The following DIAPH1 variants were observed in gnomAD, a reference collection of about 807,000 sequenced individuals.
The protein encoded by DIAPH1 is diaphanous related formin 1, also known as protein diaphanous homolog 1.
DIAPH1 carries 46 observed loss-of-function variants against 140.7 expected under a neutral mutation model. The observed-to-expected ratio is 0.33, with a 90% CI of 0.26 to 0.42. DIAPH1 has a LOEUF of 0.42. Ranked by LOEUF, DIAPH1 falls within the 10% of genes least tolerant of loss-of-function variation. The pLI is 1.00. For missense variants in DIAPH1, 1,310 were observed against 1,558.7 expected (o/e 0.84, Z 2.69); for synonymous variants, 565 against 551.6 (o/e 1.02, Z -0.34).
Position 141,573,850 on chromosome 5 carries a change from G to A in DIAPH1, c.2000C>T (p.Ser667Phe). The A allele has an allele frequency of 6.5e-7, 1 of 1,529,000 alleles. No individual in the cohort carries two copies. Among genetic ancestry groups the A allele is most frequent in the South Asian group, 1.3e-5 (1 of 78,076 alleles). 94.7% of individuals were successfully genotyped at this position (1,529,000 alleles called of 1,614,324 possible). Residue 667 changes from serine (S) to phenylalanine (F), a missense_variant, in exon 16 of 28, where the codon TCT (serine) becomes TTT (phenylalanine). Coordinates refer to ENST00000389054, the MANE Select transcript of DIAPH1 (RefSeq NM_005219.5). Reference sequence around the variant, plus strand: ...GATGGCAGTACCTCCAGGCAAAGAAGAGGGTGAAGGGATGCCAACACCCTC... The same window carrying A: ...GATGGCAGTACCTCCAGGCAAAGAAAAGGGTGAAGGGATGCCAACACCCTC... ...LPEGVGIPSP[S>F]SLPGGTAIPP...
At chr5:141,520,874 G>A (rs906183338) in intron 27 of DIAPH1, among the ~76,000 whole-genome samples, 9 of 152,158 alleles carry the variant, frequency 5.9e-5, no homozygotes, top group Non-Finnish European at 1.3e-4. Context: ...CATTAGCCAT[G>A]TAGACCTGGG....
At chr5:141,609,006 A>T (rs951608873) in intron 1 of DIAPH1, among the ~76,000 whole-genome samples, 1 of 152,172 alleles carries the variant, frequency 6.6e-6, no homozygotes, top group East Asian at 1.9e-4. Flanking sequence ...CTTACAAAGG[A>T]GACACAGTTA....
chr5:141,535,695 T>C (rs374084921), intron 18 of DIAPH1, among the ~76,000 whole-genome samples: 12 of 152,276 alleles, frequency 7.9e-5, no homozygotes, highest in Middle Eastern at 3.4e-3. Context: ...GAGCAATACA[T>C]AGGAAAAAAC....
Position 141,583,504 on chromosome 5 carries a change from G to C in DIAPH1, c.514C>G (p.Leu172Val), listed in dbSNP as rs1470192204. 1.2e-6 allele frequency: 2 copies of C among 1,614,032 alleles called. No individual in the cohort carries two copies. Among genetic ancestry groups the C allele is most frequent in the East Asian group, 2.2e-5 (1 of 44,892 alleles). ...LSCLESLRVS[L>V]NNNPVSWVQT... ...CCTCACCTGACAGGGTTGTTGTTGA[G>C]AGACACACGAAGGGACTCCAGGCAG... The change falls in exon 5 of 28, where the codon CTC becomes GTC. Residue 172 changes from leucine to valine, a missense_variant. Around this residue, in one of 3 missense-constraint regions of DIAPH1, gnomAD observed 377 missense variants for 497.1 expected, o/e 0.76. Transcript: ENST00000389054.
intron 18 of DIAPH1, among the ~76,000 whole-genome samples, chr5:141,547,469 A>G (rs2099890982): frequency 6.6e-6 from 1 of 152,158 alleles, no homozygotes; most frequent in Non-Finnish European, 1.5e-5. Flanking sequence ...TCAAAAATAA[A>G]TAAATAAAAA....
At chr5:141,518,312 GAAAAAAA>G (rs55840265) in intron 27 of DIAPH1, among the ~76,000 whole-genome samples, 16 of 115,336 alleles carry the variant, frequency 1.4e-4, no homozygotes, top group Non-Finnish European at 2.4e-4. Context: ...AGCTCAATTG[GAAAAAAA>G]AAAAAAAAAA....
intron 18 of DIAPH1, among the ~76,000 whole-genome samples, chr5:141,544,114 T>C (rs2099890421): frequency 1.3e-5 from 2 of 152,132 alleles, no homozygotes; most frequent in Admixed American, 1.3e-4. Flanking sequence ...ATCGAGACCA[T>C]CCTGGCTAAC....
chr5:141,567,549 G>A (rs760928426), intron 18 of DIAPH1, among the ~76,000 whole-genome samples: 5 of 152,126 alleles, frequency 3.3e-5, no homozygotes, highest in Non-Finnish European at 7.4e-5. Context: ...CGATTTGAGT[G>A]GAATAAGAAA....
intron 25 of DIAPH1, 55 bp downstream of exon 25, chr5:141,526,242 G>C: frequency 1.2e-6 from 2 of 1,614,090 alleles, no homozygotes; most frequent in South Asian, 1.1e-5. Context: ...CAGGAACCCA[G>C]GGGAAAGTGA....
chr5:141,597,962 G>A (rs1246029518), intron 1 of DIAPH1, among the ~76,000 whole-genome samples: 1 of 152,212 alleles, frequency 6.6e-6, no homozygotes, highest in African/African-American at 2.4e-5. Flanking sequence ...TATTCCTGTT[G>A]AATGTCTAGT....
Position 141,574,319 on chromosome 5 carries a change from G to C in DIAPH1, c.1642-111C>G, listed in dbSNP as rs376725949. On this transcript the variant is annotated intron_variant, in intron 15 of 27. Coordinates refer to ENST00000389054, the MANE Select transcript of DIAPH1 (RefSeq NM_005219.5). ...CAAACTTCTCATGTTACAAATGGAG[G>C]AACTGAGAGGAGTCAGAGAGATGAC... 6.4e-5 allele frequency: 68 copies of C among 1,069,080 alleles called. 5 individuals carry two copies. Among genetic ancestry groups the C allele is most frequent in the Admixed American group, 5.3e-4 (27 of 50,714 alleles). 66.2% of individuals were successfully genotyped at this position (1,069,080 alleles called of 1,614,324 possible). A position where few individuals can be genotyped will look rare whatever the true frequency, so the allele number is the denominator to read the frequency against.
chr5:141,570,371 G>A (rs2099894989), intron 18 of DIAPH1, among the ~76,000 whole-genome samples: 1 of 152,148 alleles, frequency 6.6e-6, no homozygotes, highest in Non-Finnish European at 1.5e-5. Flanking sequence ...TTAATTAAGA[G>A]AGTGGAATTA....
chr5:141,584,685 T>A (rs2099897263), intron 3 of DIAPH1, among the ~76,000 whole-genome samples: 1 of 152,020 alleles, frequency 6.6e-6, no homozygotes, highest in South Asian at 2.1e-4. Flanking sequence ...CTGTACAAAC[T>A]CCTTTCCCAC....
chr5:141,570,701 A>G (rs964411619), intron 18 of DIAPH1, among the ~76,000 whole-genome samples: 4 of 152,114 alleles, frequency 2.6e-5, no homozygotes, highest in Non-Finnish European at 5.9e-5. Context: ...CACTAGGGTC[A>G]TAGTAAGCCT....
intron 16 of DIAPH1, among the ~76,000 whole-genome samples, chr5:141,572,907 G>A (rs2099895406): frequency 6.6e-6 from 1 of 152,148 alleles, no homozygotes; most frequent in Non-Finnish European, 1.5e-5. Flanking sequence ...ATCAAACTGT[G>A]TGTTACCATG....
At chr5:141,546,781 G>A (rs575923359) in intron 18 of DIAPH1, among the ~76,000 whole-genome samples, 1 of 152,360 alleles carries the variant, frequency 6.6e-6, no homozygotes, top group Admixed American at 6.5e-5. Context: ...TAGGAACAGG[G>A]TGAAAGAGGT....
intron 6 of DIAPH1, among the ~76,000 whole-genome samples, chr5:141,582,628 C>T (rs2099896940): frequency 1.3e-5 from 2 of 152,154 alleles, no homozygotes; most frequent in African/African-American, 4.8e-5. Context: ...TTAACTCTCC[C>T]TAGGCTCCTA....
rs565543538 is a variant in DIAPH1, at chr5:141,565,554, G to A, written c.2482+5874C>T. ...AACAGAGGAAGACAGAATTCTGCTA[G>A]GTAAAAGTAATGATGGAAGTCTTTA... On this transcript the variant is annotated intron_variant, in intron 18 of 27. Coordinates refer to ENST00000389054, the MANE Select transcript of DIAPH1 (RefSeq NM_005219.5). The surrounding 1 kb of genome is among the most constrained non-coding windows in gnomAD (Gnocchi z 4.3). Among the ~76,000 whole-genome samples the A allele has an allele frequency of 1.3e-5, 2 of 152,242 alleles. No individual in the cohort carries two copies. Among genetic ancestry groups the A allele is most frequent in the East Asian group, 3.9e-4 (2 of 5,180 alleles).
intron 14 of DIAPH1, among the ~76,000 whole-genome samples, chr5:141,575,436 G>T (rs1056122712): frequency 9.9e-5 from 15 of 152,180 alleles, no homozygotes; most frequent in African/African-American, 3.6e-4. Context: ...ATCACCTGAG[G>T]TCAGAAGTTC....
Sources: gnomAD v4.1 joint callset for allele counts (sites outside exome capture counted in the v4.1 genomes callset) on GRCh38, gnomAD v4.1.1 for gene constraint, gnomAD v4.1.1 regional missense constraint, Gnocchi (gnomAD v3.1) non-coding constraint, MANE v1.5 for transcripts, NCBI Gene and HGNC (gene_info 2026-07-23, HGNC 2026-07-21) for gene names.